The following APP variants were observed in gnomAD, a reference collection of about 807,000 sequenced individuals.
APP encodes amyloid-beta precursor protein.
A neutral mutation model predicts 101.4 loss-of-function variants in APP; 31 were observed. The observed-to-expected ratio is 0.31, with a 90% CI of 0.23 to 0.41. The LOEUF (loss-of-function observed/expected upper bound fraction) is 0.41, where lower values mean the gene tolerates loss of function less well. Ranked by LOEUF, APP falls within the 10% of genes least tolerant of loss-of-function variation. The pLI, the probability that APP is intolerant of heterozygous loss-of-function variation, is 1.00. For synonymous variants in APP, 366 were observed against 364.4 expected, an observed-to-expected ratio of 1.00 and a Z score of -0.05; for missense variants, 839 against 1,003.7, an observed-to-expected ratio of 0.84 and a Z score of 2.22.
chr21:26,004,425 T>G (rs1403057026), intron 6 of APP, among the ~76,000 whole-genome samples: 2 of 142,358 alleles, frequency 1.4e-5, no homozygotes, highest in African/African-American at 5.3e-5. Flanking sequence ...CCTGAGTAGC[T>G]GGGATTACAA....
chr21:25,900,815 C>T (rs1369550794), intron 15 of APP, among the ~76,000 whole-genome samples: 1 of 150,478 alleles, frequency 6.6e-6, no homozygotes, highest in Non-Finnish European at 1.5e-5. Flanking sequence ...TGGTGAAACC[C>T]CGTCTCTACT....
rs1217362785 is a variant in APP, at chr21:26,051,013, A to T, written c.649T>A (p.Tyr217Asn). ...DVWWGGADTD[Y>N]ADGSEDKVVE... ...AGGCCACCTTACCTCCCATCTGCAT[A>T]GTCTGTGTCTGCTCCGCCCCACCAG... The change falls in exon 5 of 18, where the codon TAT becomes AAT. Residue 217 changes from tyrosine to asparagine, a missense_variant. Coordinates refer to ENST00000346798, the MANE Select transcript of APP (RefSeq NM_000484.4). The T allele has an allele frequency of 6.2e-7, 1 of 1,614,056 alleles. No homozygotes were observed. The highest frequency in any genetic ancestry group is 8.5e-7 in the Non-Finnish European group (1 of 1,180,044).
At chr21:26,139,278 T>C (rs1391643586) in intron 1 of APP, among the ~76,000 whole-genome samples, 9 of 152,200 alleles carry the variant, frequency 5.9e-5, no homozygotes, top group African/African-American at 2.2e-4. Context: ...ATGTACATTA[T>C]CGTGTGCATA....
At chr21:25,982,989 T>C (rs990077794) in intron 8 of APP, among the ~76,000 whole-genome samples, 1 of 212 alleles carries the variant, frequency 4.7e-3, no homozygotes, top group Admixed American at 0.083. Context: ...ACAACCTTCA[T>C]GAGACAGTAT....
intron 1 of APP, among the ~76,000 whole-genome samples, chr21:26,129,155 T>C (rs116892798): frequency 6.6e-6 from 1 of 152,240 alleles, no homozygotes; most frequent in Non-Finnish European, 1.5e-5. Flanking sequence ...TCAAGAATTT[T>C]ATAAGGTCCC....
chr21:25,962,130 C>T (rs1204295222), intron 11 of APP, among the ~76,000 whole-genome samples: 1 of 152,148 alleles, frequency 6.6e-6, no homozygotes, highest in African/African-American at 2.4e-5. Context: ...GTTTCTGAAA[C>T]AGTGTTTAGC....
chr21:26,117,115 C>A (rs1298204664), intron 1 of APP, among the ~76,000 whole-genome samples: 1 of 152,186 alleles, frequency 6.6e-6, no homozygotes, highest in Non-Finnish European at 1.5e-5. Flanking sequence ...AACTCCTGGC[C>A]TCAAGTGATC....
At chr21:26,068,495 G>C (rs1303678622) in intron 3 of APP, among the ~76,000 whole-genome samples, 1 of 152,010 alleles carries the variant, frequency 6.6e-6, no homozygotes, top group African/African-American at 2.4e-5. Context: ...AAGTAGCCGG[G>C]ACTACCGGCA....
At chr21:26,068,912 G>T (rs944448059) in intron 3 of APP, among the ~76,000 whole-genome samples, 7 of 152,104 alleles carry the variant, frequency 4.6e-5, no homozygotes, top group African/African-American at 1.7e-4. Flanking sequence ...GCTTCCAATT[G>T]CAGGGTATTA....
At chr21:26,152,607 T>C (rs2063300739) in intron 1 of APP, among the ~76,000 whole-genome samples, 1 of 152,204 alleles carries the variant, frequency 6.6e-6, no homozygotes, top group Non-Finnish European at 1.5e-5. Flanking sequence ...TTTTTAAATA[T>C]ATTTTTCAAA....
chr21:26,130,137 A>G (rs1357688975), intron 1 of APP, among the ~76,000 whole-genome samples: 1 of 152,236 alleles, frequency 6.6e-6, no homozygotes, highest in Non-Finnish European at 1.5e-5. Flanking sequence ...TTCCAAAAAG[A>G]AAGGAATAGA....
chr21:26,090,680 CA>C (rs2061804790), intron 2 of APP, among the ~76,000 whole-genome samples: 1 of 152,152 alleles, frequency 6.6e-6, no homozygotes, highest in Admixed American at 6.5e-5. Context: ...ATGTCCTAAA[CA>C]AACGTTACAG....
intron 1 of APP, among the ~76,000 whole-genome samples, chr21:26,156,027 C>T (rs1390371260): frequency 6.7e-6 from 1 of 150,366 alleles, no homozygotes; most frequent in Non-Finnish European, 1.5e-5. Flanking sequence ...AAAAAGATAC[C>T]ACTTCATTTA....
intron 9 of APP, 69 bp downstream of exon 9, chr21:25,982,275 A>G: frequency 6.6e-7 from 1 of 1,509,094 alleles, no homozygotes; most frequent in Non-Finnish European, 9.2e-7. Flanking sequence ...GCCTGTGGGG[A>G]GACTGAGGCA....
chr21:25,915,295 A>G (rs1290164234), intron 13 of APP, among the ~76,000 whole-genome samples: 1 of 152,200 alleles, frequency 6.6e-6, no homozygotes, highest in Non-Finnish European at 1.5e-5. Flanking sequence ...TGAACTCTTT[A>G]GAGCCCAGCT....
intron 17 of APP, among the ~76,000 whole-genome samples, chr21:25,889,313 G>C (rs752247878): frequency 1.3e-5 from 2 of 152,198 alleles, no homozygotes; most frequent in Non-Finnish European, 2.9e-5. Flanking sequence ...GATACAGGGA[G>C]CAGACAGGCA....
chr21:25,953,251 C>G (rs1010568103), intron 13 of APP, among the ~76,000 whole-genome samples: 2 of 152,168 alleles, frequency 1.3e-5, no homozygotes, highest in African/African-American at 4.8e-5. Flanking sequence ...AGTTATGTAG[C>G]TCAAAGTATA....
At chr21:25,962,723 A>T (rs111354571) in intron 11 of APP, among the ~76,000 whole-genome samples, 83 of 152,356 alleles carry the variant, frequency 5.4e-4, no homozygotes, top group African/African-American at 1.7e-3. Context: ...ATTAATTTCA[A>T]AACATCTCAC....
At chr21:26,093,252 C>T (rs1384700171) in intron 2 of APP, among the ~76,000 whole-genome samples, 1 of 152,168 alleles carries the variant, frequency 6.6e-6, no homozygotes, top group Non-Finnish European at 1.5e-5. Context: ...AAAGCTGCAG[C>T]ACTCATGAGT....
Sources: allele counts gnomAD v4.1 joint callset (sites outside exome capture counted in the v4.1 genomes callset), GRCh38; gene constraint gnomAD v4.1.1; transcripts MANE v1.5; gene names NCBI Gene and HGNC (gene_info 2026-07-23, HGNC 2026-07-21).